The following DPYD variants were observed in gnomAD, a reference collection of about 807,000 sequenced individuals.
DPYD encodes the protein dihydropyrimidine dehydrogenase [NADP(+)].
DPYD carries 109 observed loss-of-function variants against 116.2 expected under a neutral mutation model. The observed-to-expected ratio is 0.94, with a 90% CI of 0.80 to 1.10. DPYD has a LOEUF of 1.10. DPYD is among the 50% of genes least tolerant of loss of function. The pLI, the probability that DPYD is intolerant of heterozygous loss-of-function variation, is 0.00. For missense variants in DPYD, 1,302 were observed against 1,254.5 expected (o/e 1.04, Z -0.57); for synonymous variants, 440 against 432.0 (o/e 1.02, Z -0.23).
chr1:97,620,890 G>A (rs1411303660), intron 8 of DPYD, among the ~76,000 whole-genome samples: 3 of 151,998 alleles, frequency 2.0e-5, no homozygotes, highest in South Asian at 4.1e-4. Context: ...TTAACAATTC[G>A]ATAATTAGAT....
chr1:97,432,773 G>C (rs1244363643), intron 14 of DPYD, among the ~76,000 whole-genome samples: 1 of 152,164 alleles, frequency 6.6e-6, no homozygotes, highest in Non-Finnish European at 1.5e-5. Context: ...TTAGGAGACT[G>C]AGTGGATTAA....
intron 13 of DPYD, chr1:97,514,252 G>A (rs1398034638): frequency 3.8e-5 from 37 of 984,532 alleles, no homozygotes; most frequent in Non-Finnish European, 4.3e-5. Context: ...ACAAATCAAT[G>A]CATGTCACCA....
intron 14 of DPYD, among the ~76,000 whole-genome samples, chr1:97,432,036 G>C (rs1675205886): frequency 6.6e-6 from 1 of 152,072 alleles, no homozygotes; most frequent in East Asian, 1.9e-4. Flanking sequence ...GCAAATGATA[G>C]AATTTCATTC....
At chr1:97,581,533 T>C (rs1241770262) in intron 10 of DPYD, among the ~76,000 whole-genome samples, 1 of 151,236 alleles carries the variant, frequency 6.6e-6, no homozygotes, top group Non-Finnish European at 1.5e-5. Flanking sequence ...TTTAAGGCTA[T>C]GAGTTGAAGA....
chr1:97,186,201 C>T (rs963059534), intron 20 of DPYD, among the ~76,000 whole-genome samples: 3 of 152,010 alleles, frequency 2.0e-5, no homozygotes. Context: ...ATTACCACAA[C>T]CAAATAGCAA....
At position 97,801,213 on chromosome 1, in the gene DPYD, AC is replaced by A. The variant is rs1557972213; in HGVS notation, c.233+26900del. Among the ~76,000 whole-genome samples the A allele has an allele frequency of 3.9e-5, 6 of 152,006 alleles. 1 individual carries two copies. The South Asian group carries it at 1.0e-3, about 26-fold the overall frequency. The stretch of plus-strand genomic sequence containing the variant: ...TAATCTCGTTCCACCATATGAGGAC[AC>A]AGCAAGAAGACAATACTCTGAAAGT... On this transcript the variant is annotated intron_variant, in intron 3 of 22. Coordinates refer to ENST00000370192, the MANE Select transcript of DPYD (RefSeq NM_000110.4).
At chr1:97,450,794 G>A (rs1037822390) in intron 13 of DPYD, among the ~76,000 whole-genome samples, 8 of 151,892 alleles carry the variant, frequency 5.3e-5, no homozygotes, top group Non-Finnish European at 1.2e-4. Context: ...CACTTTAAAT[G>A]AGAAGAAAGT....
At chr1:97,388,465 G>T (rs1672485120) in intron 14 of DPYD, among the ~76,000 whole-genome samples, 1 of 152,054 alleles carries the variant, frequency 6.6e-6, no homozygotes, top group Admixed American at 6.6e-5. Flanking sequence ...CCCTAGGACT[G>T]ACCTGGGGGC....
At chr1:97,578,914 A>G (rs1653453509) in intron 10 of DPYD, among the ~76,000 whole-genome samples, 1 of 152,206 alleles carries the variant, frequency 6.6e-6, no homozygotes, top group Admixed American at 6.5e-5. Context: ...AAAAAGTACT[A>G]CTTCACAAAG....
chr1:97,854,848 A>C (rs1670740114), intron 2 of DPYD, among the ~76,000 whole-genome samples: 1 of 152,184 alleles, frequency 6.6e-6, no homozygotes, highest in African/African-American at 2.4e-5. Context: ...CCATGGCCAC[A>C]GAACGAAAAG....
rs113646324 is a variant in DPYD, at chr1:97,731,193, G to A, written c.321+9199C>T. ...ACAAAAAAGTCAGACTATTTTGTGC[G>A]AGTTTGCTCTTTATTGACGAGAATA... On this transcript the variant is annotated intron_variant, in intron 4 of 22. Transcript: ENST00000370192. 8.2e-3 allele frequency among the ~76,000 whole-genome samples: 1,253 copies of A among 152,020 alleles called. 17 individuals carry two copies. The highest frequency in any genetic ancestry group is 0.028 in the African/African-American group (1,169 of 41,492).
At chr1:97,514,172 T>C in intron 13 of DPYD, 1 of 983,324 alleles carries the variant, frequency 1.0e-6, no homozygotes, top group Non-Finnish European at 1.2e-6. Flanking sequence ...GGAAGTTAGC[T>C]TCCACATTTA....
chr1:97,681,949 C>T (rs1660448982), intron 7 of DPYD, among the ~76,000 whole-genome samples: 1 of 151,966 alleles, frequency 6.6e-6, no homozygotes, highest in Non-Finnish European at 1.5e-5. Context: ...TTATTCAGTG[C>T]CTCTGCAGGA....
chr1:97,805,289 C>G (rs1668028430), intron 3 of DPYD, among the ~76,000 whole-genome samples: 1 of 151,768 alleles, frequency 6.6e-6, no homozygotes, highest in African/African-American at 2.4e-5. Flanking sequence ...CTGATACACA[C>G]AGTGGATAAG....
intron 19 of DPYD, among the ~76,000 whole-genome samples, chr1:97,218,678 CTCAGAAGAAA>C (rs1297718419): frequency 6.6e-6 from 1 of 151,396 alleles, no homozygotes; most frequent in Non-Finnish European, 1.5e-5. Context: ...AAGCAATAAA[CTCAGAAGAAA>C]TCAGAAGTAC....
intron 13 of DPYD, among the ~76,000 whole-genome samples, chr1:97,470,083 C>A (rs1333748011): frequency 1.3e-5 from 2 of 152,054 alleles, no homozygotes; most frequent in African/African-American, 4.8e-5. Context: ...ACTGAGGGAC[C>A]AGATTAAGAG....
At position 97,837,906 on chromosome 1, in the gene DPYD, C is replaced by G. The variant is rs142889711; in HGVS notation, c.151-9710G>C. ...CCCACTATTTTTTATTCCAACAGCA[C>G]AGACACTTGAAACACAGATGTCTGA... is the stretch of plus-strand genomic sequence containing the variant. On this transcript the variant is annotated intron_variant, in intron 2 of 22. Transcript: ENST00000370192. 2.2e-3 allele frequency among the ~76,000 whole-genome samples: 328 copies of G among 152,208 alleles called. 2 individuals are homozygous for G. Among genetic ancestry groups the G allele is most frequent in the African/African-American group, 7.6e-3 (317 of 41,556 alleles).
chr1:97,398,996 G>A (rs1229326207), intron 14 of DPYD, among the ~76,000 whole-genome samples: 1 of 152,136 alleles, frequency 6.6e-6, no homozygotes, highest in Admixed American at 6.5e-5. Context: ...ATTGCTTTTG[G>A]TGTTTTAGAC....
intron 19 of DPYD, among the ~76,000 whole-genome samples, chr1:97,232,928 C>G (rs1047364927): frequency 6.6e-6 from 1 of 152,082 alleles, no homozygotes; most frequent in East Asian, 1.9e-4. Context: ...TATGATCCAG[C>G]CTGAGGTTTT....
Sources: gnomAD v4.1 joint callset for allele counts (sites outside exome capture counted in the v4.1 genomes callset) on GRCh38, gnomAD v4.1.1 for gene constraint, MANE v1.5 for transcripts, NCBI Gene and HGNC (gene_info 2026-07-23, HGNC 2026-07-21) for gene names.